The following CELF2 variants were observed in gnomAD, a reference collection of about 807,000 sequenced individuals.
CELF2 encodes the protein CUGBP Elav-like family member 2.
In CELF2, 8 loss-of-function variants were observed where a neutral mutation model predicts 62.6. The observed-to-expected ratio is 0.13, with a 90% confidence interval of 0.07 to 0.23. The LOEUF is 0.23. CELF2 is among the 10% of genes least tolerant of loss of function. The probability of loss-of-function intolerance (pLI) is 1.00; values close to 1 mark genes in which losing one functional copy is unlikely to be tolerated. For synonymous variants in CELF2, 258 were observed against 250.0 expected, an observed-to-expected ratio of 1.03 and a Z score of -0.30; for missense variants, 333 against 671.0, an observed-to-expected ratio of 0.50 and a Z score of 5.56.
At chr10:10,871,206 G>C (rs1297618537) in intron 1 of CELF2, among the ~76,000 whole-genome samples, 1 of 152,146 alleles carries the variant, frequency 6.6e-6, no homozygotes, top group Non-Finnish European at 1.5e-5. Context: ...TTGCAAAGAA[G>C]GGTTCTTTTC....
chr10:10,854,511 C>T (rs1199333581), intron 1 of CELF2, among the ~76,000 whole-genome samples: 8 of 152,112 alleles, frequency 5.3e-5, no homozygotes, highest in Non-Finnish European at 1.0e-4. Flanking sequence ...CCCAAGGAAC[C>T]CACTCCGGGA....
chr10:10,622,288 C>T, the CELF2 span, among the ~76,000 whole-genome samples: 2 of 152,102 alleles, frequency 1.3e-5, no homozygotes, highest in Admixed American at 1.3e-4. Flanking sequence ...GATTCATCAC[C>T]TGCAAGGGTA....
At chr10:10,651,524 G>A in the CELF2 span, among the ~76,000 whole-genome samples, 2 of 122,204 alleles carry the variant, frequency 1.6e-5, no homozygotes, top group South Asian at 4.2e-4. Context: ...CTGGAGATCT[G>A]AGAACCAGCA....
rs563753251 is a variant in CELF2 at position 10,927,426 on chromosome 10, CTTTA to C, written c.89+7439_89+7442del. 6.0e-3 allele frequency among the ~76,000 whole-genome samples: 882 copies of C among 146,898 alleles called. 4 individuals are homozygous for C. The highest frequency in any genetic ancestry group is 8.3e-3 in the Non-Finnish European group (555 of 66,978). On this transcript the variant is annotated intron_variant, in intron 2 of 13. Transcript: ENST00000636488. ...TGTTGGCTCAACCTCCAAAATGTAT[CTTTA>C]TTTATTTATTTTTTTTGAAATGGGT...
the CELF2 span, among the ~76,000 whole-genome samples, chr10:10,744,074 CT>C: frequency 2.0e-5 from 3 of 152,100 alleles, no homozygotes; most frequent in African/African-American, 4.8e-5. Flanking sequence ...TCAGATAAGA[CT>C]GTCTTACAAA....
the CELF2 span, among the ~76,000 whole-genome samples, chr10:10,714,381 A>C: frequency 2.6e-5 from 4 of 152,194 alleles, no homozygotes; most frequent in African/African-American, 9.7e-5. Context: ...CCTGGAATAT[A>C]AAACAGGATG....
chr10:10,653,901 A>T, the CELF2 span, among the ~76,000 whole-genome samples: 1 of 151,882 alleles, frequency 6.6e-6, no homozygotes, highest in Non-Finnish European at 1.5e-5. Flanking sequence ...GACACAAAAA[A>T]CCCTTCAAAA....
intron 1 of CELF2, chr10:10,798,937 G>A: frequency 5.0e-6 from 2 of 397,602 alleles, no homozygotes; most frequent in Non-Finnish European, 8.9e-6. Context: ...TGGGGTTCAG[G>A]GATGCGCAGA....
chr10:10,631,077 T>TA, the CELF2 span, among the ~76,000 whole-genome samples: 2 of 152,194 alleles, frequency 1.3e-5, no homozygotes, highest in Non-Finnish European at 2.9e-5. Flanking sequence ...ATTTCTTTAA[T>TA]AAAAAACACA....
chr10:11,008,953 A>G lies in CELF2; in HGVS notation c.53+3513A>G, dbSNP rs756937064. ...AATAATGCCTTCTTGGGTCACCTTT[A>G]TTAGCCTTCACTGAATTTCTTTGCA... On this transcript the variant is annotated intron_variant, in intron 1 of 12. Transcript: ENST00000416382. The surrounding 1 kb of genome is among the most constrained non-coding windows in gnomAD (Gnocchi z 4.5). 8.4e-6 allele frequency among the ~76,000 whole-genome samples: 1 copy of G among 118,382 alleles called. No individual in the cohort carries two copies. The highest frequency in any genetic ancestry group is 2.9e-4 in the East Asian group (1 of 3,490). 77.7% of individuals were successfully genotyped at this position (118,382 alleles called of 152,430 possible).
chr10:10,929,065 G>T (rs766416633), intron 2 of CELF2, among the ~76,000 whole-genome samples: 5 of 152,216 alleles, frequency 3.3e-5, no homozygotes, highest in Non-Finnish European at 5.9e-5. Context: ...CAAGATGTAT[G>T]ATTTCTGCCT....
At chr10:10,879,575 T>C (rs944207216) in intron 1 of CELF2, among the ~76,000 whole-genome samples, 16 of 152,200 alleles carry the variant, frequency 1.1e-4, no homozygotes, top group African/African-American at 3.9e-4. Flanking sequence ...AAGGGATAAA[T>C]GGCAATTCCA....
At chr10:11,038,786 C>T (rs573470654) in intron 1 of CELF2, among the ~76,000 whole-genome samples, 102 of 152,106 alleles carry the variant, frequency 6.7e-4, no homozygotes, top group African/African-American at 2.3e-3. Flanking sequence ...CACATAAAAC[C>T]ATTTAAATTT....
In CELF2 at chr10:11,197,002, GAGAA is replaced by G. The variant is rs1375486505; in HGVS notation, c.272-20401_272-20398del. Among the ~76,000 whole-genome samples the G allele has an allele frequency of 2.7e-3, 37 of 13,876 alleles. 5 individuals carry two copies. Among genetic ancestry groups the G allele is most frequent in the African/African-American group, 5.3e-3 (18 of 3,370 alleles). 9.1% of individuals were successfully genotyped at this position (13,876 alleles called of 152,430 possible). On this transcript the variant is annotated intron_variant, in intron 2 of 12. Transcript: ENST00000633077. ...GAGAGAAAGAAAGAAAGGAAGGAAG[GAGAA>G]AGAAAGAAAGAAAGAAAGAAAAGAA...
intron 1 of CELF2, among the ~76,000 whole-genome samples, chr10:11,067,730 G>T (rs976252613): frequency 1.3e-5 from 2 of 152,184 alleles, no homozygotes; most frequent in Non-Finnish European, 2.9e-5. Context: ...TGTTTCCAGT[G>T]GTTGAAGTTG....
intron 1 of CELF2, among the ~76,000 whole-genome samples, chr10:10,822,191 C>A (rs2057021990): frequency 6.6e-6 from 1 of 152,246 alleles, no homozygotes; most frequent in Non-Finnish European, 1.5e-5. Flanking sequence ...CTGGATGTCA[C>A]CACCTCTGCA....
At chr10:10,729,048 G>A in the CELF2 span, among the ~76,000 whole-genome samples, 1 of 152,114 alleles carries the variant, frequency 6.6e-6, no homozygotes, top group East Asian at 1.9e-4. Context: ...ATGTAATTTG[G>A]CTCCATAAAA....
the CELF2 span, among the ~76,000 whole-genome samples, chr10:10,671,074 G>A: frequency 6.6e-6 from 1 of 151,358 alleles, no homozygotes; most frequent in Non-Finnish European, 1.5e-5. Context: ...GGTGAGGTGG[G>A]AGGATTACCT....
At chr10:10,839,007 G>C (rs143883636) in intron 1 of CELF2, among the ~76,000 whole-genome samples, 1 of 152,104 alleles carries the variant, frequency 6.6e-6, no homozygotes, top group African/African-American at 2.4e-5. Context: ...TTAGCCAGAC[G>C]TGGTGGCACA....
Sources: allele counts gnomAD v4.1 joint callset (sites outside exome capture counted in the v4.1 genomes callset), GRCh38; gene constraint gnomAD v4.1.1; non-coding constraint Gnocchi (gnomAD v3.1); transcripts MANE v1.5; gene names NCBI Gene and HGNC (gene_info 2026-07-23, HGNC 2026-07-21).